Variants in CPEB3 observed in about 807,000 individuals in gnomAD.
CPEB3 encodes cytoplasmic polyadenylation element-binding protein 3.
Under a neutral mutation model 67.2 loss-of-function variants are expected in CPEB3, and 20 were observed. The ratio of observed to expected loss-of-function variants is 0.30; its 90% CI spans 0.21 to 0.43. The LOEUF (loss-of-function observed/expected upper bound fraction) is 0.43, where lower values mean the gene tolerates loss of function less well. Ranked by LOEUF, CPEB3 falls within the 20% of genes least tolerant of loss-of-function variation. The pLI is 1.00. For missense variants in CPEB3, 746 were observed against 968.6 expected, an observed-to-expected ratio of 0.77 and a Z score of 3.05; for synonymous variants, 376 against 393.1, an observed-to-expected ratio of 0.96 and a Z score of 0.51.
chr10:92,246,612 G>A (rs1190587047), intron 1 of CPEB3, among the ~76,000 whole-genome samples: 3 of 151,270 alleles, frequency 2.0e-5, no homozygotes, highest in East Asian at 2.0e-4. Flanking sequence ...GGGTCCAAGC[G>A]ATTCTCCTGC....
At chr10:92,175,384 A>G (rs989916279) in intron 4 of CPEB3, among the ~76,000 whole-genome samples, 1 of 151,948 alleles carries the variant, frequency 6.6e-6, no homozygotes, top group African/African-American at 2.4e-5. Context: ...TTTATCCACA[A>G]TGCTGCTTTG....
intron 9 of CPEB3, among the ~76,000 whole-genome samples, chr10:92,078,217 C>T (rs1843008450): frequency 6.6e-6 from 1 of 152,170 alleles, no homozygotes; most frequent in Non-Finnish European, 1.5e-5. Flanking sequence ...AAGACCAGAT[C>T]TAGACCCAGG....
At chr10:92,124,266 A>G (rs150533109) in intron 6 of CPEB3, among the ~76,000 whole-genome samples, 2 of 152,292 alleles carry the variant, frequency 1.3e-5, no homozygotes, top group Non-Finnish European at 2.9e-5. Context: ...TGGACTATAT[A>G]TTCCTAATGA....
intron 6 of CPEB3, chr10:92,138,467 T>A (rs1186586272): frequency 6.7e-6 from 1 of 148,844 alleles, no homozygotes; most frequent in South Asian, 2.1e-4. Flanking sequence ...GGGATGGACA[T>A]CTTGTAATTT....
intron 1 of CPEB3, among the ~76,000 whole-genome samples, chr10:92,250,132 G>A (rs934268390): frequency 6.6e-6 from 1 of 151,738 alleles, no homozygotes; most frequent in Non-Finnish European, 1.5e-5. Context: ...CTGTCGCCCA[G>A]GCTAGAGTGC....
chr10:92,285,513 TG>T (rs1207283506), intron 1 of CPEB3, among the ~76,000 whole-genome samples: 1 of 152,242 alleles, frequency 6.6e-6, no homozygotes, highest in Non-Finnish European at 1.5e-5. Flanking sequence ...TCAAGTGATT[TG>T]CCCGCCTCGG....
At chr10:92,258,672 ATATATATT>A (rs1220917598) in intron 1 of CPEB3, among the ~76,000 whole-genome samples, 2 of 113,436 alleles carry the variant, frequency 1.8e-5, no homozygotes, top group African/African-American at 6.6e-5. Flanking sequence ...ATATATATAT[ATATATATT>A]TCATGTATTT....
chr10:92,268,832 T>G (rs1432678508), intron 1 of CPEB3, among the ~76,000 whole-genome samples: 1 of 151,452 alleles, frequency 6.6e-6, no homozygotes, highest in Non-Finnish European at 1.5e-5. Context: ...GTGGGGAGAT[T>G]AACTGGGGAG....
chr10:92,196,246 G>A (rs1849230436), intron 2 of CPEB3, among the ~76,000 whole-genome samples: 1 of 152,208 alleles, frequency 6.6e-6, no homozygotes. Context: ...AGACAGTAAA[G>A]TGAGGGCAGG....
intron 6 of CPEB3, among the ~76,000 whole-genome samples, chr10:92,129,794 C>G (rs1468787017): frequency 6.6e-6 from 1 of 152,190 alleles, no homozygotes; most frequent in Non-Finnish European, 1.5e-5. Context: ...GTAATCCCAA[C>G]ACTTTGGGAG....
chr10:92,105,735 T>C lies in CPEB3; in HGVS notation c.1572+5341A>G, dbSNP rs1258066999. 1.0e-4 allele frequency among the ~76,000 whole-genome samples: 15 copies of C among 149,108 alleles called. No individual in the cohort carries two copies. In the East Asian group the frequency reaches 1.8e-3, roughly 17 times the overall value. On this transcript the variant is annotated intron_variant, in intron 7 of 9. Coordinates refer to ENST00000265997, the MANE Select transcript of CPEB3 (RefSeq NM_014912.5). ...TGTGGGTTTTTTTTTTTTTTTTTTT[T>C]CTGAGACTGAGTCCTGCTCTGTCTC...
At chr10:92,112,159 T>C (rs1844780760) in intron 6 of CPEB3, among the ~76,000 whole-genome samples, 1 of 140,242 alleles carries the variant, frequency 7.1e-6, no homozygotes, top group Non-Finnish European at 1.5e-5. Flanking sequence ...TGAGATGCAG[T>C]CTTGCTCTGT....
At chr10:92,218,232 C>G (rs1850527387) in intron 2 of CPEB3, among the ~76,000 whole-genome samples, 1 of 152,090 alleles carries the variant, frequency 6.6e-6, no homozygotes, top group Admixed American at 6.6e-5. Context: ...CATGGTGAAA[C>G]CTCGTCTCTA....
At chr10:92,054,082 C>G (rs1368369996) in intron 9 of CPEB3, among the ~76,000 whole-genome samples, 4 of 152,052 alleles carry the variant, frequency 2.6e-5, no homozygotes, top group Non-Finnish European at 5.9e-5. Flanking sequence ...TGTATATCTT[C>G]TTTGGAGATA....
At chr10:92,165,957 A>G (rs1847719130) in intron 4 of CPEB3, among the ~76,000 whole-genome samples, 1 of 152,188 alleles carries the variant, frequency 6.6e-6, no homozygotes, top group Non-Finnish European at 1.5e-5. Context: ...AATTCCTGTC[A>G]GTGTTGATAT....
At chr10:92,068,435 CCT>C (rs2134371268) in intron 9 of CPEB3, among the ~76,000 whole-genome samples, 1 of 152,276 alleles carries the variant, frequency 6.6e-6, no homozygotes, top group South Asian at 2.1e-4. Flanking sequence ...ACCTCACGGG[CCT>C]CTGTTTCCCC....
chr10:92,240,190 G>A lies in CPEB3; in HGVS notation c.161C>T (p.Pro54Leu). Residue 54 changes from proline to leucine, a missense_variant, in exon 2 of 10, where the codon CCG (proline) becomes CTG (leucine). This residue lies in a region of CPEB3 where 643 missense variants were observed against 717.5 expected (regional missense o/e 0.90). Coordinates refer to ENST00000265997, the MANE Select transcript of CPEB3 (RefSeq NM_014912.5). ...GGGGGCAGCGGCTGGGCTGAGGGCC[G>A]GCACTGCGCTGTTTTCCTCCGGCTT... ...TPKPEENSAV[P>L]ALSPAAAPPA... The A allele has an allele frequency of 4.6e-6, 7 of 1,523,368 alleles. No individual in the cohort carries two copies. Among genetic ancestry groups the A allele is most frequent in the South Asian group, 2.5e-5 (2 of 78,816 alleles). The allele number at this position is 1,523,368 out of a possible 1,614,324, so 94.4% of individuals were successfully genotyped here.
At chr10:92,235,265 G>T (rs1851472816) in intron 2 of CPEB3, among the ~76,000 whole-genome samples, 6 of 152,132 alleles carry the variant, frequency 3.9e-5, no homozygotes, top group Admixed American at 3.3e-4. Flanking sequence ...GACTAATAGG[G>T]CGAAATTCCA....
intron 1 of CPEB3, among the ~76,000 whole-genome samples, chr10:92,264,247 G>C (rs1304762244): frequency 1.3e-5 from 2 of 151,618 alleles, no homozygotes; most frequent in Middle Eastern, 3.2e-3. Context: ...AGAATCACTT[G>C]AACCTGGGAG....
Sources: allele counts gnomAD v4.1 joint callset (sites outside exome capture counted in the v4.1 genomes callset), GRCh38; gene constraint gnomAD v4.1.1; regional missense constraint gnomAD v4.1.1; transcripts MANE v1.5; gene names NCBI Gene and HGNC (gene_info 2026-07-23, HGNC 2026-07-21).